GRK5: variants seen among roughly 807,000 people sequenced by gnomAD.
The protein encoded by GRK5 is G protein-coupled receptor kinase 5, also known as g protein-coupled receptor kinase GRK5.
GRK5 carries 40 observed loss-of-function variants against 78.4 expected under a neutral mutation model. The ratio of observed to expected loss-of-function variants is 0.51; its 90% CI spans 0.40 to 0.66. The LOEUF is 0.66. GRK5 is among the 30% of genes least tolerant of loss of function. GRK5 has a pLI of 0.00. For synonymous variants in GRK5, 289 were observed against 296.8 expected, an observed-to-expected ratio of 0.97 and a Z score of 0.27; for missense variants, 598 against 759.9, an observed-to-expected ratio of 0.79 and a Z score of 2.50.
chr10:119,305,172 C>T (rs1218417643), intron 1 of GRK5, among the ~76,000 whole-genome samples: 1 of 152,138 alleles, frequency 6.6e-6, no homozygotes, highest in African/African-American at 2.4e-5. Flanking sequence ...CCTTCCACCT[C>T]CCTGGGCTCT....
chr10:119,330,836 C>T (rs1244457904), intron 2 of GRK5, among the ~76,000 whole-genome samples: 1 of 152,196 alleles, frequency 6.6e-6, no homozygotes, highest in Non-Finnish European at 1.5e-5. Flanking sequence ...GCCTGGCCAA[C>T]ACGGGGAAAC....
At chr10:119,282,305 A>T (rs943809323) in intron 1 of GRK5, among the ~76,000 whole-genome samples, 5 of 152,236 alleles carry the variant, frequency 3.3e-5, no homozygotes, top group African/African-American at 1.2e-4. Context: ...CCAGGTCTTC[A>T]CCAGGCCAGT....
At chr10:119,344,755 G>C (rs140077312) in intron 2 of GRK5, among the ~76,000 whole-genome samples, 122 of 152,310 alleles carry the variant, frequency 8.0e-4, no homozygotes, top group Non-Finnish European at 1.5e-3. Context: ...ATGTTGGTGA[G>C]AAGTTCTCAT....
At position 119,275,606 on chromosome 10, in the gene GRK5, C is replaced by T. The variant is rs1271076963; in HGVS notation, c.53-50910C>T. On this transcript the variant is annotated intron_variant, in intron 1 of 15. Coordinates refer to ENST00000392870, the MANE Select transcript of GRK5 (RefSeq NM_005308.3). ...GTGCACGCTCTCTCTCTCTCTCTCT[C>T]TCTCTCGCACACACACACACACACA... 1.5e-5 allele frequency among the ~76,000 whole-genome samples: 2 copies of T among 137,826 alleles called. 1 individual carries two copies. Among genetic ancestry groups the T allele is most frequent in the African/African-American group, 5.4e-5 (2 of 37,212 alleles). The allele number at this position is 137,826 out of a possible 152,430, so 90.4% of individuals were successfully genotyped here.
At chr10:119,427,344 C>CTGCCTTCATCAACAT (rs1852708609) in intron 6 of GRK5, among the ~76,000 whole-genome samples, 2 of 149,728 alleles carry the variant, frequency 1.3e-5, no homozygotes, top group African/African-American at 2.5e-5. Flanking sequence ...ATCAACATCA[C>CTGCCTTCATCAACAT]CACCATCATC....
intron 2 of GRK5, among the ~76,000 whole-genome samples, chr10:119,349,169 A>G (rs4751713): frequency 0.021 from 3,225 of 152,256 alleles, 136 homozygotes; most frequent in East Asian, 0.13. Flanking sequence ...AAGAGGCAGG[A>G]GGAAGGAAGG....
intron 1 of GRK5, among the ~76,000 whole-genome samples, chr10:119,272,581 AAAAAAAAAAAAAG>A (rs1849600122): frequency 9.3e-6 from 1 of 108,060 alleles, no homozygotes; most frequent in Non-Finnish European, 1.9e-5. Flanking sequence ...ATCTCAAAAA[AAAAAAAAAAAAAG>A]AAAGAAAGAA....
rs184670290 is a variant in GRK5, at chr10:119,343,262, G to T, written c.148+16651G>T. ...TGGCAGGGAAGGTGCCAAGTGAACA[G>T]ATGAGAGAGAGAGAGAGAGAGAGAA... On this transcript the variant is annotated intron_variant, in intron 2 of 15. Coordinates refer to ENST00000392870, the MANE Select transcript of GRK5 (RefSeq NM_005308.3). 6.8e-4 allele frequency among the ~76,000 whole-genome samples: 103 copies of T among 152,076 alleles called. 1 individual carries two copies. In the East Asian group the frequency reaches 0.017, roughly 26 times the overall value.
At chr10:119,281,263 G>T (rs1303210199) in intron 1 of GRK5, among the ~76,000 whole-genome samples, 1 of 151,846 alleles carries the variant, frequency 6.6e-6, no homozygotes, top group Non-Finnish European at 1.5e-5. Flanking sequence ...CAGGGACTCT[G>T]CACATGCTGC....
chr10:119,392,010 C>G (rs1436672767), intron 3 of GRK5, among the ~76,000 whole-genome samples: 1 of 152,188 alleles, frequency 6.6e-6, no homozygotes, highest in African/African-American at 2.4e-5. Context: ...CCAGACTGCC[C>G]TTTCTAAACC....
At chr10:119,371,686 T>C (rs1851550194) in intron 2 of GRK5, among the ~76,000 whole-genome samples, 1 of 152,240 alleles carries the variant, frequency 6.6e-6, no homozygotes, top group African/African-American at 2.4e-5. Context: ...GGGGAACTCC[T>C]GCCTGCTTTG....
At chr10:119,333,795 G>C in intron 2 of GRK5, 1 of 533,030 alleles carries the variant, frequency 1.9e-6, no homozygotes, top group South Asian at 1.4e-5. Flanking sequence ...TGATCTCCTG[G>C]AGCTCATCCA....
chr10:119,441,258 G>C (rs1166762850), intron 10 of GRK5, among the ~76,000 whole-genome samples: 1 of 152,206 alleles, frequency 6.6e-6, no homozygotes, highest in Non-Finnish European at 1.5e-5. Flanking sequence ...CAGCCTGGCG[G>C]GGTCTCGACA....
chr10:119,448,019 G>C lies in GRK5; in HGVS notation c.1267-104G>C. 2 of 1,351,378 alleles carry C rather than the reference G, an allele frequency of 1.5e-6. 1 individual carries two copies. The highest frequency in any genetic ancestry group is 3.4e-5 in the South Asian group (2 of 59,654). 83.7% of individuals were successfully genotyped at this position (1,351,378 alleles called of 1,614,324 possible). A position where few individuals can be genotyped will look rare whatever the true frequency, so the allele number is the denominator to read the frequency against. On this transcript the variant is annotated intron_variant, in intron 12 of 15. Transcript: ENST00000392870. ...AGCAAGACCTTTGCAGGGTGGGGCA[G>C]CGTGTCTTGGGTTCCTAGGCATGGT...
chr10:119,313,676 C>T (rs1317988186), intron 1 of GRK5, among the ~76,000 whole-genome samples: 1 of 152,012 alleles, frequency 6.6e-6, no homozygotes, highest in Non-Finnish European at 1.5e-5. Flanking sequence ...GGTGTCAGCA[C>T]CACCCTCCCT....
chr10:119,222,891 G>A (rs748034461), intron 1 of GRK5, among the ~76,000 whole-genome samples: 3 of 152,206 alleles, frequency 2.0e-5, no homozygotes, highest in Non-Finnish European at 4.4e-5. Context: ...ATGGGTGGCC[G>A]TGCAGGAGCA....
At chr10:119,277,635 C>T (rs1849691291) in intron 1 of GRK5, among the ~76,000 whole-genome samples, 1 of 152,066 alleles carries the variant, frequency 6.6e-6, no homozygotes, top group Admixed American at 6.5e-5. Context: ...TAGGATATAT[C>T]CATACCCGTG....
At chr10:119,357,479 G>T (rs370287612) in intron 2 of GRK5, among the ~76,000 whole-genome samples, 1 of 152,196 alleles carries the variant, frequency 6.6e-6, no homozygotes, top group Non-Finnish European at 1.5e-5. Flanking sequence ...GGTGGATATC[G>T]TTCCATCCTG....
intron 3 of GRK5, among the ~76,000 whole-genome samples, chr10:119,382,576 G>A (rs1021062200): frequency 3.3e-5 from 5 of 152,072 alleles, no homozygotes; most frequent in Non-Finnish European, 7.4e-5. Flanking sequence ...GTAACACTTT[G>A]TAGCAATTTT....
Sources: gnomAD v4.1 joint callset for allele counts (sites outside exome capture counted in the v4.1 genomes callset) on GRCh38, gnomAD v4.1.1 for gene constraint, MANE v1.5 for transcripts, NCBI Gene and HGNC (gene_info 2026-07-23, HGNC 2026-07-21) for gene names.